The following BICRA variants were observed in gnomAD, a reference collection of about 807,000 sequenced individuals.
BICRA encodes BRD4-interacting chromatin-remodeling complex-associated protein.
A neutral mutation model predicts 96.9 loss-of-function variants in BICRA; 31 were observed. The observed-to-expected ratio is 0.32, with a 90% CI of 0.24 to 0.43. The LOEUF (loss-of-function observed/expected upper bound fraction) is 0.43, where lower values mean the gene tolerates loss of function less well. Among genes scored for constraint, BICRA ranks in the 20% least tolerant of loss-of-function variants. The pLI is 1.00. For missense variants in BICRA, 2,283 were observed against 2,190.3 expected, an observed-to-expected ratio of 1.04 and a Z score of -0.84; for synonymous variants, 1,350 against 1,071.8, an observed-to-expected ratio of 1.26 and a Z score of -5.07.
chr19:47,621,593 C>T (rs576038275), intron 1 of BICRA, among the ~76,000 whole-genome samples: 112 of 150,396 alleles, frequency 7.4e-4, no homozygotes, highest in African/African-American at 2.7e-3. Context: ...CCTGCCTCAG[C>T]CTCCTGAGTA....
intron 1 of BICRA, among the ~76,000 whole-genome samples, chr19:47,645,989 A>G (rs1425354232): frequency 6.6e-6 from 1 of 152,146 alleles, no homozygotes; most frequent in African/African-American, 2.4e-5. Context: ...GCCCAGCTAT[A>G]CTGGAGGCCA....
chr19:47,688,643 GC>G (rs1238013288), intron 7 of BICRA, among the ~76,000 whole-genome samples: 2 of 151,866 alleles, frequency 1.3e-5, no homozygotes, highest in African/African-American at 4.8e-5. Flanking sequence ...ACAAAAATTA[GC>G]TGGGCATGGT....
At chr19:47,684,937 A>G (rs1034942097) in intron 7 of BICRA, among the ~76,000 whole-genome samples, 7 of 152,072 alleles carry the variant, frequency 4.6e-5, no homozygotes, top group Non-Finnish European at 8.8e-5. Flanking sequence ...GTGAACAGAC[A>G]CTTACTGTTA....
intron 10 of BICRA, among the ~76,000 whole-genome samples, chr19:47,695,708 A>G (rs1293725114): frequency 6.6e-6 from 1 of 152,134 alleles, no homozygotes; most frequent in Non-Finnish European, 1.5e-5. Context: ...AGACGGCACC[A>G]AGACTACTGG....
chr19:47,674,001 A>G (rs2098718), intron 4 of BICRA, among the ~76,000 whole-genome samples: 45,251 of 152,100 alleles, frequency 0.3, 8,073 homozygotes, highest in African/African-American at 0.49. Flanking sequence ...GAAAAGGACC[A>G]TGTAGAGTAT....
chr19:47,625,131 C>T (rs1267975912), intron 1 of BICRA, among the ~76,000 whole-genome samples: 1 of 151,140 alleles, frequency 6.6e-6, no homozygotes, highest in Non-Finnish European at 1.5e-5. Flanking sequence ...TCCTGAGTAG[C>T]TGGGATTACA....
At chr19:47,685,858 A>T (rs779822431) in intron 7 of BICRA, among the ~76,000 whole-genome samples, 71 of 151,446 alleles carry the variant, frequency 4.7e-4, no homozygotes, top group Middle Eastern at 6.9e-3. Flanking sequence ...TGTGTTCTGC[A>T]TCTGGCTTTG....
rs2914438 is a variant in BICRA at position 47,679,857 on chromosome 19, A to G, written c.687A>G (p.Thr229=). Residue 229 remains threonine (T), a synonymous_variant, in exon 6 of 15, where the codon ACA becomes ACG. Transcript: ENST00000594866. ...GCCCTGGGGGTGCCACGGCGGCCAC[A>G]CTGGGCCTGGCGCCCATCCAGGTGG... is the stretch of plus-strand genomic sequence containing the variant. The part of the protein sequence containing the change: ...NGSPGGATAA[T]LGLAPIQVVG... 0.75 allele frequency: 1,126,036 copies of G among 1,504,302 alleles called. 423,488 individuals carry two copies. Among genetic ancestry groups the G allele is most frequent in the East Asian group, 0.96 (37,760 of 39,174 alleles). The allele number at this position is 1,504,302 out of a possible 1,614,324, so 93.2% of individuals were successfully genotyped here. A position where few individuals can be genotyped will look rare whatever the true frequency, so the allele number is the denominator to read the frequency against.
At chr19:47,672,154 G>C (rs888324251) in intron 2 of BICRA, among the ~76,000 whole-genome samples, 1 of 143,922 alleles carries the variant, frequency 6.9e-6, no homozygotes, top group Non-Finnish European at 1.5e-5. Context: ...ATGGAGCATG[G>C]GTAGGTAGAT....
intron 4 of BICRA, 48 bp downstream of exon 4, chr19:47,673,810 A>G (rs1972902332): frequency 6.7e-7 from 1 of 1,488,140 alleles, no homozygotes; most frequent in African/African-American, 1.4e-5. Flanking sequence ...GGGGCTGTCT[A>G]ATTGGGAGTG....
At chr19:47,672,561 T>G (rs1972883105) in intron 2 of BICRA, among the ~76,000 whole-genome samples, 1 of 145,170 alleles carries the variant, frequency 6.9e-6, no homozygotes, top group Non-Finnish European at 1.5e-5. Context: ...GGAGAAATGT[T>G]TGGAAAGATA....
intron 1 of BICRA, among the ~76,000 whole-genome samples, chr19:47,651,952 G>A (rs1366966853): frequency 1.3e-5 from 2 of 152,228 alleles, no homozygotes; most frequent in African/African-American, 2.4e-5. Context: ...TCTGGGACAG[G>A]AACGTTTGAA....
chr19:47,645,560 T>C (rs1294927867), intron 1 of BICRA, among the ~76,000 whole-genome samples: 1 of 152,036 alleles, frequency 6.6e-6, no homozygotes, highest in African/African-American at 2.4e-5. Context: ...CATGAAAAGG[T>C]CATAGAGGAT....
chr19:47,612,413 C>CA (rs1385123781), intron 1 of BICRA, among the ~76,000 whole-genome samples: 4,531 of 135,436 alleles, frequency 0.033, 170 homozygotes, highest in African/African-American at 0.096. Flanking sequence ...GACCCTGTCT[C>CA]AAAAAAAAAA....
At chr19:47,629,446 C>T (rs1260052295) in intron 1 of BICRA, among the ~76,000 whole-genome samples, 2 of 152,186 alleles carry the variant, frequency 1.3e-5, no homozygotes, top group African/African-American at 4.8e-5. Flanking sequence ...CTGTCACTGG[C>T]TTATTTCACT....
chr19:47,673,121 G>A (rs1184113511), intron 2 of BICRA, among the ~76,000 whole-genome samples: 2 of 152,142 alleles, frequency 1.3e-5, no homozygotes, highest in African/African-American at 4.8e-5. Context: ...ACAGCAGGGT[G>A]GTGAAGAGCA....
intron 1 of BICRA, among the ~76,000 whole-genome samples, chr19:47,645,946 AAGTT>A (rs1972452655): frequency 6.6e-6 from 1 of 152,124 alleles, no homozygotes. Flanking sequence ...AAAATTAAAA[AAGTT>A]AGCCAGGCGT....
chr19:47,648,686 T>TG (rs1170400058), intron 1 of BICRA, among the ~76,000 whole-genome samples: 3 of 149,554 alleles, frequency 2.0e-5, no homozygotes, highest in South Asian at 2.2e-4. Flanking sequence ...TTTGTTTGTT[T>TG]TTTTTTTTTT....
At chr19:47,622,854 A>C (rs1972085378) in intron 1 of BICRA, among the ~76,000 whole-genome samples, 3 of 151,960 alleles carry the variant, frequency 2.0e-5, no homozygotes, top group Non-Finnish European at 1.5e-5. Context: ...CCTGGGCAAC[A>C]TGGTGAAGCC....
Sources: allele counts gnomAD v4.1 joint callset (sites outside exome capture counted in the v4.1 genomes callset), GRCh38; gene constraint gnomAD v4.1.1; transcripts MANE v1.5; gene names NCBI Gene and HGNC (gene_info 2026-07-23, HGNC 2026-07-21).